ZC3H3: variants seen among roughly 807,000 people sequenced by gnomAD.
ZC3H3 encodes the protein zinc finger CCCH domain-containing protein 3.
ZC3H3 carries 36 observed loss-of-function variants against 77.3 expected under a neutral mutation model. The observed-to-expected ratio is 0.47, with a 90% confidence interval of 0.36 to 0.61. The LOEUF (loss-of-function observed/expected upper bound fraction) is 0.61, where lower values mean the gene tolerates loss of function less well. Among genes scored for constraint, ZC3H3 ranks in the 20% least tolerant of loss-of-function variants. The probability of loss-of-function intolerance (pLI) is 0.00; values close to 1 mark genes in which losing one functional copy is unlikely to be tolerated. For synonymous variants in ZC3H3, 626 were observed against 555.2 expected (o/e 1.13, Z -1.79); for missense variants, 1,331 against 1,312.2 (o/e 1.01, Z -0.22).
intron 3 of ZC3H3, among the ~76,000 whole-genome samples, chr8:143,523,725 G>C (rs555359068): frequency 1.9e-4 from 29 of 152,336 alleles, no homozygotes; most frequent in African/African-American, 5.8e-4. Flanking sequence ...CCCCACCCCT[G>C]AATCACCCCG....
chr8:143,515,067 C>T (rs952388745), intron 3 of ZC3H3, among the ~76,000 whole-genome samples: 1 of 152,250 alleles, frequency 6.6e-6, no homozygotes, highest in Non-Finnish European at 1.5e-5. Flanking sequence ...TTGCACCCAC[C>T]GTCTGGATTC....
In ZC3H3 at chr8:143,538,532, C is replaced by G. The variant is rs762305728; in HGVS notation, c.835G>C (p.Val279Leu). Reference protein sequence around the residue: ...HTDQPVPSGSVGGPARPASGP... With the variant: ...HTDQPVPSGSLGGPARPASGP... ...GAGGCCGGTCTGGCGGGGCCCCCCA[C>G]TGAGCCAGACGGAACTGGCTGATCT... The change falls in exon 2 of 12, where the codon GTG becomes CTG. Residue 279 changes from valine to leucine, a missense_variant. Transcript: ENST00000262577. The G allele has an allele frequency of 6.2e-7, 1 of 1,612,132 alleles. No individual in the cohort carries two copies. Among genetic ancestry groups the G allele is most frequent in the South Asian group, 1.1e-5 (1 of 91,080 alleles).
At chr8:143,479,955 C>T (rs1245263690) in intron 4 of ZC3H3, among the ~76,000 whole-genome samples, 3 of 152,212 alleles carry the variant, frequency 2.0e-5, no homozygotes, top group Admixed American at 6.5e-5. Context: ...CCAGAGGCTG[C>T]CCGGGCTGGC....
chr8:143,509,657 G>A (rs1018804704), intron 3 of ZC3H3, among the ~76,000 whole-genome samples: 2 of 152,242 alleles, frequency 1.3e-5, no homozygotes, highest in African/African-American at 4.8e-5. Flanking sequence ...CTGGCCCCTT[G>A]GAGCCACAGC....
At chr8:143,497,487 T>C (rs1170734404) in intron 4 of ZC3H3, among the ~76,000 whole-genome samples, 1 of 152,138 alleles carries the variant, frequency 6.6e-6, no homozygotes, top group Non-Finnish European at 1.5e-5. Flanking sequence ...CACAGAGCAG[T>C]ACCACCTCCG....
chr8:143,496,578 C>T (rs393768), intron 4 of ZC3H3, among the ~76,000 whole-genome samples: 4,248 of 152,232 alleles, frequency 0.028, 179 homozygotes, highest in African/African-American at 0.096. Context: ...AAATCAACAA[C>T]GACGCAGGGC....
rs1009253246 is a variant in ZC3H3, at chr8:143,533,260, G to A, written c.1561+2997C>T. Among the ~76,000 whole-genome samples the A allele has an allele frequency of 2.0e-5, 3 of 152,124 alleles. No individual in the cohort carries two copies. On this transcript the variant is annotated intron_variant, in intron 3 of 11. Transcript: ENST00000262577. This position sits in a 1 kb window ranked among gnomAD's most constrained non-coding sequence, Gnocchi z 4.0. ...GGTGAACTGGCCCCACAGCCTCCTT[G>A]TGCTCCAGAACACAGTAAGCTCGTT...
chr8:143,482,986 T>C (rs1165984393), intron 4 of ZC3H3, among the ~76,000 whole-genome samples: 2 of 152,190 alleles, frequency 1.3e-5, no homozygotes, highest in Non-Finnish European at 2.9e-5. Context: ...CAGCAGCCCC[T>C]GGCCAGGCCG....
intron 9 of ZC3H3, among the ~76,000 whole-genome samples, chr8:143,458,452 G>A (rs1236915859): frequency 4.2e-5 from 6 of 141,894 alleles, no homozygotes; most frequent in Admixed American, 1.4e-4. Context: ...ACAGCTGGGC[G>A]CAGTGGCTCA....
In ZC3H3 at chr8:143,493,319, G is replaced by A. The variant is rs893741074; in HGVS notation, c.1715+14427C>T. Reference sequence around the variant, plus strand: ...GGAAAAAGTCCCTCTCCCTTTGTCCGGAAAAAGTCCCAGAGGATCAGCGGT... The same window carrying A: ...GGAAAAAGTCCCTCTCCCTTTGTCCAGAAAAAGTCCCAGAGGATCAGCGGT... On this transcript the variant is annotated intron_variant, in intron 4 of 11. Coordinates refer to ENST00000262577, the MANE Select transcript of ZC3H3 (RefSeq NM_015117.3). The surrounding 1 kb of genome is among the most constrained non-coding windows in gnomAD (Gnocchi z 4.8). Among the ~76,000 whole-genome samples, 10 of 152,218 alleles carry A rather than the reference G, an allele frequency of 6.6e-5. No individual in the cohort carries two copies. Among genetic ancestry groups the A allele is most frequent in the Admixed American group, 1.3e-4 (2 of 15,288 alleles).
intron 9 of ZC3H3, among the ~76,000 whole-genome samples, chr8:143,457,048 C>T (rs746622973): frequency 6.6e-6 from 1 of 152,142 alleles, no homozygotes; most frequent in Non-Finnish European, 1.5e-5. Flanking sequence ...AACTAGACCG[C>T]AAATCATCAA....
rs1227584415 is a variant in ZC3H3, at chr8:143,536,369, CCT to C, written c.1447_1448del (p.Arg483GlyfsTer142). On this transcript the variant is annotated frameshift_variant, in exon 3 of 12. Coordinates refer to ENST00000262577, the MANE Select transcript of ZC3H3 (RefSeq NM_015117.3). LOFTEE classifies it high-confidence loss of function. The part of the protein sequence containing the change: ...HLSLRRRQAL[R>X]GKSSPVLKKT... ...TCTTCAGGACAGGGCTGCTCTTCCC[CCT>C]GAGGGCCTGTCTCCGCCGGAGGCTG... The C allele has an allele frequency of 5.0e-6, 8 of 1,596,402 alleles. No homozygotes were observed. Among genetic ancestry groups the C allele is most frequent in the African/African-American group, 1.3e-5 (1 of 74,678 alleles).
chr8:143,450,793 C>T (rs960335497), intron 9 of ZC3H3, among the ~76,000 whole-genome samples: 1 of 152,144 alleles, frequency 6.6e-6, no homozygotes, highest in East Asian at 1.9e-4. Context: ...CACCTCCCAC[C>T]AGGCCCCAAC....
At chr8:143,439,905 G>A (rs1436936161) in intron 11 of ZC3H3, 136 bp downstream of exon 11, 13 of 525,208 alleles carry the variant, frequency 2.5e-5, no homozygotes, top group Non-Finnish European at 3.9e-5. Context: ...AGGCCCTGGG[G>A]GCCCGAGCCA....
chr8:143,476,620 G>A (rs1161875058), intron 4 of ZC3H3, among the ~76,000 whole-genome samples: 1 of 152,188 alleles, frequency 6.6e-6, no homozygotes. Flanking sequence ...ATGAGCTCAC[G>A]CTCTGCTCAA....
At chr8:143,505,609 A>C (rs1413016466) in intron 4 of ZC3H3, among the ~76,000 whole-genome samples, 1 of 152,170 alleles carries the variant, frequency 6.6e-6, no homozygotes, top group Non-Finnish European at 1.5e-5. Context: ...CGTGTCCCGA[A>C]GGGTCCCAGA....
At chr8:143,512,082 C>A (rs1381310733) in intron 3 of ZC3H3, among the ~76,000 whole-genome samples, 1 of 152,244 alleles carries the variant, frequency 6.6e-6, no homozygotes, top group African/African-American at 2.4e-5. Context: ...CAGCAGCGAG[C>A]GGCCAGGATG....
chr8:143,448,159 A>G (rs1181887797), intron 9 of ZC3H3, among the ~76,000 whole-genome samples: 1 of 152,008 alleles, frequency 6.6e-6, no homozygotes, highest in Non-Finnish European at 1.5e-5. Context: ...ACAAAAAATT[A>G]GCCAGGCGTG....
At chr8:143,495,974 C>T (rs1821339628) in intron 4 of ZC3H3, among the ~76,000 whole-genome samples, 1 of 152,140 alleles carries the variant, frequency 6.6e-6, no homozygotes, top group Admixed American at 6.5e-5. Context: ...TAGAAAAGAA[C>T]TATGAACACA....
Sources: allele counts gnomAD v4.1 joint callset (sites outside exome capture counted in the v4.1 genomes callset), GRCh38; gene constraint gnomAD v4.1.1; non-coding constraint Gnocchi (gnomAD v3.1); transcripts MANE v1.5; gene names NCBI Gene and HGNC (gene_info 2026-07-23, HGNC 2026-07-21).